Variants in ABCC1 observed in about 807,000 individuals in gnomAD.
The protein encoded by ABCC1 is ATP binding cassette subfamily C member 1 (ABCC1 blood group), also known as multidrug resistance-associated protein 1.
ABCC1 carries 83 observed loss-of-function variants against 172.9 expected under a neutral mutation model. The observed-to-expected ratio is 0.48, with a 90% CI of 0.40 to 0.58. ABCC1 has a LOEUF of 0.58. Among genes scored for constraint, ABCC1 ranks in the 20% least tolerant of loss-of-function variants. The probability of loss-of-function intolerance (pLI) is 0.00; values close to 1 mark genes in which losing one functional copy is unlikely to be tolerated. For synonymous variants in ABCC1, 937 were observed against 825.2 expected, an observed-to-expected ratio of 1.14 and a Z score of -2.32; for missense variants, 1,817 against 2,002.7, an observed-to-expected ratio of 0.91 and a Z score of 1.77.
At chr16:16,116,630 T>C (rs1228850568) in intron 23 of ABCC1, among the ~76,000 whole-genome samples, 2 of 152,004 alleles carry the variant, frequency 1.3e-5, no homozygotes, top group Non-Finnish European at 2.9e-5. Flanking sequence ...TGATGGAATC[T>C]CGGCTCACTG....
chr16:16,090,742 G>A (rs776053800), intron 19 of ABCC1, among the ~76,000 whole-genome samples, 154 bp downstream of exon 19: 8 of 152,070 alleles, frequency 5.3e-5, no homozygotes, highest in Non-Finnish European at 1.0e-4. Context: ...GAAGCAATGT[G>A]GAAAACCACC....
intron 3 of ABCC1, among the ~76,000 whole-genome samples, chr16:16,012,709 G>GTC (rs1567312750): frequency 2.5e-5 from 3 of 120,956 alleles, no homozygotes; most frequent in African/African-American, 1.1e-4. Context: ...TTCCTTTGAG[G>GTC]CAGAGTTTCG....
chr16:16,053,133 G>A (rs2049502345), intron 11 of ABCC1, among the ~76,000 whole-genome samples: 2 of 152,172 alleles, frequency 1.3e-5, no homozygotes, highest in African/African-American at 4.8e-5. Flanking sequence ...AGGTCTGTGA[G>A]CCTCTGAGAA....
At chr16:16,112,247 A>C (rs188561685) in intron 22 of ABCC1, among the ~76,000 whole-genome samples, 22 of 152,242 alleles carry the variant, frequency 1.4e-4, no homozygotes, top group African/African-American at 4.3e-4. Flanking sequence ...TTGTGGTCTC[A>C]GCTACTTGGG....
chr16:16,045,607 G>C (rs1289375510), intron 8 of ABCC1, among the ~76,000 whole-genome samples: 5 of 152,000 alleles, frequency 3.3e-5, no homozygotes, highest in African/African-American at 7.3e-5. Flanking sequence ...ATGAGATATA[G>C]CTAGAGCAAT....
intron 3 of ABCC1, among the ~76,000 whole-genome samples, chr16:16,012,185 G>A (rs192234355): frequency 2.6e-5 from 4 of 152,156 alleles, no homozygotes; most frequent in African/African-American, 7.2e-5. Context: ...ACCCTTTTAC[G>A]TTGTAAATAA....
At chr16:16,092,985 T>C (rs1261686546) in intron 19 of ABCC1, among the ~76,000 whole-genome samples, 1 of 152,222 alleles carries the variant, frequency 6.6e-6, no homozygotes, top group Non-Finnish European at 1.5e-5. Context: ...AGCAAGACCA[T>C]GTCTCAAAAT....
intron 1 of ABCC1, among the ~76,000 whole-genome samples, chr16:15,987,831 G>A (rs2046775883): frequency 1.3e-5 from 2 of 152,270 alleles, no homozygotes; most frequent in Middle Eastern, 3.4e-3. Flanking sequence ...GCCTCTCTGC[G>A]GTTTCTCAGA....
chr16:16,131,693 T>G (rs2045678735), intron 26 of ABCC1, 96 bp from the exon 27 acceptor site: 2 of 1,455,266 alleles, frequency 1.4e-6, no homozygotes, highest in East Asian at 2.4e-5. Flanking sequence ...GAGGCCACCT[T>G]GGGCAGCAGA....
At chr16:16,076,073 A>T (rs2050552452) in intron 14 of ABCC1, 2 of 508,164 alleles carry the variant, frequency 3.9e-6, no homozygotes, top group Non-Finnish European at 6.8e-6. Flanking sequence ...GATCGTCCAG[A>T]TGGCGCAACC....
chr16:16,126,761 C>G (rs910369100), intron 26 of ABCC1, among the ~76,000 whole-genome samples: 2 of 152,160 alleles, frequency 1.3e-5, no homozygotes, highest in Non-Finnish European at 2.9e-5. Context: ...ATAAATTTTC[C>G]TCTTAAGTAA....
chr16:16,042,173 G>GTTT (rs57457665), intron 7 of ABCC1, among the ~76,000 whole-genome samples: 7 of 133,796 alleles, frequency 5.2e-5, no homozygotes, highest in Non-Finnish European at 3.2e-5. Flanking sequence ...GAGTTTGGCA[G>GTTT]TTTTTTTTTT....
intron 4 of ABCC1, among the ~76,000 whole-genome samples, chr16:16,016,282 T>C (rs2047993617): frequency 6.7e-6 from 1 of 150,226 alleles, no homozygotes; most frequent in Non-Finnish European, 1.5e-5. Context: ...GCCTCCCGAG[T>C]AGCTGGGATT....
rs550108712 is a variant in ABCC1 at position 16,016,635 on chromosome 16, C to G, written c.615+14C>G. ...ATCCACGACCCTGTAAGTGTGACCA[C>G]AGATGAGTGTGTGTGCGTGTGTGTG... is the stretch of plus-strand genomic sequence containing the variant. On this transcript the variant is annotated intron_variant, in intron 5 of 30. Coordinates refer to ENST00000399410, the MANE Select transcript of ABCC1 (RefSeq NM_004996.4). 1.2e-4 allele frequency: 201 copies of G among 1,613,948 alleles called. No homozygotes were observed. The highest frequency in any genetic ancestry group is 1.7e-4 in the Non-Finnish European group (196 of 1,179,966).
rs1466829190 is a variant in ABCC1 at position 16,114,876 on chromosome 16, T to C, written c.3190T>C (p.Phe1064Leu). The C allele has an allele frequency of 6.2e-7, 1 of 1,613,812 alleles. No homozygotes were observed. Among genetic ancestry groups the C allele is most frequent in the African/African-American group, 1.3e-5 (1 of 74,932 alleles). The part of the protein sequence containing the change: ...HSILRSPMSF[F>L]ERTPSGNLVN... ...CATCCTGCGGTCACCCATGAGCTTC[T>C]TTGAGCGGACCCCCAGTGGGAACCT... is the stretch of plus-strand genomic sequence containing the variant. Residue 1064 changes from phenylalanine to leucine, a missense_variant, in exon 23 of 31, where the codon TTT becomes CTT. Phe to Leu is a conservative substitution (Grantham distance 22). Transcript: ENST00000399410.
At chr16:16,015,603 G>A (rs780371097) in intron 4 of ABCC1, among the ~76,000 whole-genome samples, 1 of 152,242 alleles carries the variant, frequency 6.6e-6, no homozygotes, top group Non-Finnish European at 1.5e-5. Context: ...TGTTTTCAAA[G>A]TGCCTCGCAG....
At chr16:16,077,685 ATGAAACAATCAG>A (rs1343413069) in intron 15 of ABCC1, among the ~76,000 whole-genome samples, 27 of 152,218 alleles carry the variant, frequency 1.8e-4, no homozygotes, top group Admixed American at 1.8e-3. Context: ...TGTCATAAGA[ATGAAACAATCAG>A]TGACAGCAAC....
chr16:16,056,493 C>G (rs2049660824), intron 12 of ABCC1, 198 bp downstream of exon 12: 1 of 610,396 alleles, frequency 1.6e-6, no homozygotes, highest in African/African-American at 1.9e-5. Flanking sequence ...ATGGTGAAAC[C>G]CAGTCTCTAC....
At chr16:16,133,677 T>A (rs920952590) in intron 27 of ABCC1, among the ~76,000 whole-genome samples, 13 of 152,174 alleles carry the variant, frequency 8.5e-5, no homozygotes, top group Admixed American at 2.0e-4. Context: ...GTGCTGGGAC[T>A]ACAGGCATGA....
Sources: allele counts gnomAD v4.1 joint callset (sites outside exome capture counted in the v4.1 genomes callset), GRCh38; gene constraint gnomAD v4.1.1; transcripts MANE v1.5; gene names NCBI Gene and HGNC (gene_info 2026-07-23, HGNC 2026-07-21).